PTPN9: variants seen among roughly 807,000 people sequenced by gnomAD.
PTPN9 encodes the protein protein tyrosine phosphatase non-receptor type 9, also known as tyrosine-protein phosphatase non-receptor type 9.
PTPN9 carries 26 observed loss-of-function variants against 69.8 expected under a neutral mutation model. The observed-to-expected ratio is 0.37, with a 90% CI of 0.27 to 0.52. PTPN9 has a LOEUF of 0.52. Ranked by LOEUF, PTPN9 falls within the 20% of genes least tolerant of loss-of-function variation. The probability of loss-of-function intolerance (pLI) is 0.91; values close to 1 mark genes in which losing one functional copy is unlikely to be tolerated. For synonymous variants in PTPN9, 274 were observed against 272.5 expected (o/e 1.01, Z -0.05); for missense variants, 549 against 740.3 (o/e 0.74, Z 3.00).
chr15:75,546,053 T>A (rs901071407), intron 1 of PTPN9, among the ~76,000 whole-genome samples: 4 of 152,210 alleles, frequency 2.6e-5, no homozygotes, highest in African/African-American at 9.7e-5. Context: ...ATACACCAAC[T>A]AATGGGCAAA....
chr15:75,505,721 C>T lies in PTPN9; in HGVS notation c.922G>A (p.Glu308Lys). 6.2e-7 allele frequency: 1 copy of T among 1,614,102 alleles called. No homozygotes were observed. The highest frequency in any genetic ancestry group is 8.5e-7 in the Non-Finnish European group (1 of 1,179,970). Residue 308 changes from glutamate (E) to lysine (K), a missense_variant, in exon 7 of 13, where the codon GAA (glutamate) becomes AAA (lysine). Glu to Lys is a moderately conservative substitution (Grantham distance 56, BLOSUM62 1). Around this residue, in one of 3 missense-constraint regions of PTPN9, gnomAD observed 457 missense variants for 661.9 expected, o/e 0.69. Coordinates refer to ENST00000618819, the MANE Select transcript of PTPN9 (RefSeq NM_002833.4). ...ACAGGGTTCTCACGACGAATGTCTT[C>T]ATATTCCTCATAGATTCCTTGCTTT... The part of the protein sequence containing the change: ...RQKQGIYEEY[E>K]DIRRENPVGT...
chr15:75,518,821 G>GAA (rs57367538), intron 4 of PTPN9, among the ~76,000 whole-genome samples: 5 of 133,276 alleles, frequency 3.8e-5, no homozygotes, highest in Admixed American at 7.8e-5. Flanking sequence ...CATCTCAGGG[G>GAA]AAAAAAAAAA....
intron 5 of PTPN9, among the ~76,000 whole-genome samples, chr15:75,511,249 T>C (rs1383682272): frequency 1.3e-5 from 2 of 152,138 alleles, no homozygotes; most frequent in Non-Finnish European, 2.9e-5. Flanking sequence ...ATTTAAACTT[T>C]TGTTTTTGTC....
intron 5 of PTPN9, among the ~76,000 whole-genome samples, chr15:75,509,351 A>G (rs2074835099): frequency 6.6e-6 from 1 of 152,210 alleles, no homozygotes. Flanking sequence ...AAGTTATGTT[A>G]TTAAAACTTG....
rs1307279711 is a variant in PTPN9, at chr15:75,557,834, C to T, written c.63+20880G>A. Among the ~76,000 whole-genome samples, 5 of 152,168 alleles carry T rather than the reference C, an allele frequency of 3.3e-5. No homozygotes were observed. The East Asian group carries it at 9.6e-4, about 29-fold the overall frequency. On this transcript the variant is annotated intron_variant, in intron 1 of 12. Coordinates refer to ENST00000618819, the MANE Select transcript of PTPN9 (RefSeq NM_002833.4). ...GTTCCATTCAAAAGACAAGTTTTCACGATTGCTTCTAATTTTCTTGAAAAA... is the reference window on the plus strand; with the variant it reads ...GTTCCATTCAAAAGACAAGTTTTCATGATTGCTTCTAATTTTCTTGAAAAA...
At chr15:75,503,863 T>G (rs1234801433) in intron 7 of PTPN9, among the ~76,000 whole-genome samples, 2 of 67,494 alleles carry the variant, frequency 3.0e-5, no homozygotes, top group Admixed American at 2.0e-4. Context: ...TGAGGGGGGG[T>G]CAGCCCTCCG....
chr15:75,536,642 TG>T (rs1300430036), intron 1 of PTPN9, among the ~76,000 whole-genome samples: 2 of 152,006 alleles, frequency 1.3e-5, no homozygotes, highest in East Asian at 1.9e-4. Flanking sequence ...GGGAGAATGG[TG>T]GGAGATGTGT....
intron 1 of PTPN9, among the ~76,000 whole-genome samples, chr15:75,561,811 G>A (rs1327939951): frequency 6.6e-6 from 1 of 152,088 alleles, no homozygotes; most frequent in African/African-American, 2.4e-5. Flanking sequence ...CTGGATTCAA[G>A]AGATTCTCCT....
At chr15:75,481,870 C>G (rs1189569441) in intron 8 of PTPN9, among the ~76,000 whole-genome samples, 4 of 145,320 alleles carry the variant, frequency 2.8e-5, no homozygotes, top group Non-Finnish European at 4.6e-5. Context: ...GCCGCCCCTC[C>G]GGGAGGTGAG....
intron 1 of PTPN9, among the ~76,000 whole-genome samples, chr15:75,540,924 T>A (rs2075005684): frequency 6.6e-6 from 1 of 150,550 alleles, no homozygotes; most frequent in African/African-American, 2.4e-5. Context: ...AAAAAAAAAT[T>A]AAAAATTAGC....
At chr15:75,530,476 A>T (rs1237055325) in intron 1 of PTPN9, among the ~76,000 whole-genome samples, 64 of 101,536 alleles carry the variant, frequency 6.3e-4, no homozygotes, top group South Asian at 1.2e-3. Flanking sequence ...TTATAATAAT[A>T]AAAATATATA....
chr15:75,540,262 T>C (rs1240652031), intron 1 of PTPN9, among the ~76,000 whole-genome samples: 3 of 152,154 alleles, frequency 2.0e-5, no homozygotes, highest in African/African-American at 7.2e-5. Context: ...GTAAATACTT[T>C]TTTAAAAATA....
rs928711793 is a variant in PTPN9, at chr15:75,579,235, G to T, written c.-459C>A. 7 of 152,208 alleles carry T rather than the reference G, an allele frequency of 4.6e-5. No homozygotes were observed. The highest frequency in any genetic ancestry group is 1.4e-4 in the African/African-American group (6 of 41,460). 9.4% of individuals were successfully genotyped at this position (152,208 alleles called of 1,614,324 possible). On this transcript the variant is annotated 5_prime_UTR_variant, in exon 1 of 13. Coordinates refer to ENST00000618819, the MANE Select transcript of PTPN9 (RefSeq NM_002833.4). The stretch of plus-strand genomic sequence containing the variant: ...CCACAGAGCTCGGGGCCGCCCAGCC[G>T]GGCCGTCCTCGCGGACGCTGGCCCT...
At chr15:75,520,695 T>TA (rs2074899907) in intron 4 of PTPN9, among the ~76,000 whole-genome samples, 2 of 152,024 alleles carry the variant, frequency 1.3e-5, no homozygotes, top group Non-Finnish European at 2.9e-5. Context: ...TTTGTATTTT[T>TA]ACTAGAGACG....
chr15:75,578,887 C>A lies in PTPN9; in HGVS notation c.-111G>T. 2.8e-6 allele frequency: 2 copies of A among 721,012 alleles called. No individual in the cohort carries two copies. The highest frequency in any genetic ancestry group is 5.1e-4 in the Middle Eastern group (1 of 1,962). 44.7% of individuals were successfully genotyped at this position (721,012 alleles called of 1,614,324 possible). A position where few individuals can be genotyped will look rare whatever the true frequency, so the allele number is the denominator to read the frequency against. ...GCCTCAGCAGCCCGGGGCCGGCTCG[C>A]GCATAGTGTGGCCGGCAGGGCCCGG... is the stretch of plus-strand genomic sequence containing the variant. On this transcript the variant is annotated 5_prime_UTR_variant, in exon 1 of 13. Transcript: ENST00000618819.
At chr15:75,522,482 T>A (rs929527617) in intron 4 of PTPN9, among the ~76,000 whole-genome samples, 6 of 152,004 alleles carry the variant, frequency 3.9e-5, no homozygotes, top group Non-Finnish European at 8.8e-5. Context: ...TTCACCATTC[T>A]GGGCTCAAGT....
At chr15:75,504,356 C>A (rs2074800756) in intron 7 of PTPN9, among the ~76,000 whole-genome samples, 1 of 120,150 alleles carries the variant, frequency 8.3e-6, no homozygotes, top group Non-Finnish European at 1.8e-5. Flanking sequence ...CTCTGCCGGG[C>A]CAGCCACCCC....
chr15:75,510,585 C>G (rs1053354445), intron 5 of PTPN9, among the ~76,000 whole-genome samples: 3 of 151,390 alleles, frequency 2.0e-5, no homozygotes, highest in African/African-American at 7.3e-5. Context: ...GTTTTCTTTT[C>G]TGGTTAGTGT....
At chr15:75,501,226 G>C (rs2074770773) in intron 7 of PTPN9, among the ~76,000 whole-genome samples, 2 of 152,132 alleles carry the variant, frequency 1.3e-5, no homozygotes, top group Non-Finnish European at 2.9e-5. Flanking sequence ...AGTTACAAGA[G>C]AGAAGAGGTA....
Sources: allele counts gnomAD v4.1 joint callset (sites outside exome capture counted in the v4.1 genomes callset), GRCh38; gene constraint gnomAD v4.1.1; regional missense constraint gnomAD v4.1.1; transcripts MANE v1.5; gene names NCBI Gene and HGNC (gene_info 2026-07-23, HGNC 2026-07-21).